Variants in SCLT1 observed in about 807,000 individuals in gnomAD.
SCLT1 encodes the protein sodium channel-associated protein 1.
SCLT1 carries 78 observed loss-of-function variants against 112.8 expected under a neutral mutation model. The ratio of observed to expected loss-of-function variants is 0.69; its 90% CI spans 0.58 to 0.83. SCLT1 has a LOEUF of 0.83. Ranked by LOEUF, SCLT1 falls within the 40% of genes least tolerant of loss-of-function variation. The probability of loss-of-function intolerance (pLI) is 0.00; values close to 1 mark genes in which losing one functional copy is unlikely to be tolerated. For missense variants in SCLT1, 747 were observed against 770.4 expected (o/e 0.97, Z 0.36); for synonymous variants, 257 against 254.7 (o/e 1.01, Z -0.09).
chr4:129,005,470 C>T (rs1380717934), intron 5 of SCLT1, among the ~76,000 whole-genome samples: 1 of 152,114 alleles, frequency 6.6e-6, no homozygotes, highest in East Asian at 1.9e-4. Flanking sequence ...AATGAGATAT[C>T]ATCTCACACC....
At chr4:128,883,414 A>T (rs971857389), downstream of SCLT1, among the ~76,000 whole-genome samples, 3 of 152,004 alleles carry the variant, frequency 2.0e-5, no homozygotes, top group African/African-American at 7.2e-5. Context: ...CGAGGGGTGA[A>T]AGGGTAGGGG....
intron 18 of SCLT1, among the ~76,000 whole-genome samples, chr4:128,895,492 A>C (rs1733669164): frequency 6.6e-6 from 1 of 152,098 alleles, no homozygotes; most frequent in Admixed American, 6.5e-5. Context: ...TATTTTTTAG[A>C]TTGTGTTTTT....
chr4:128,891,501 A>G (rs909539763), intron 18 of SCLT1, among the ~76,000 whole-genome samples: 1 of 152,234 alleles, frequency 6.6e-6, no homozygotes, highest in African/African-American at 2.4e-5. Flanking sequence ...ATAAAAATAC[A>G]TATTTTAAAA....
In SCLT1 at chr4:129,053,557, ATTTT is replaced by A. The variant is rs528905688; in HGVS notation, c.103-9510_103-9507del. 5.5e-3 allele frequency among the ~76,000 whole-genome samples: 247 copies of A among 45,218 alleles called. 1 individual carries two copies. Among genetic ancestry groups the A allele is most frequent in the African/African-American group, 0.021 (231 of 10,998 alleles). 29.7% of individuals were successfully genotyped at this position (45,218 alleles called of 152,430 possible). ...TTAGAGACTAGGATTGCAATCCCTG[ATTTT>A]TTTTTTTTTTTTTTTTTTTTTTTTT... On this transcript the variant is annotated intron_variant, in intron 2 of 20. Transcript: ENST00000281142.
chr4:128,924,425 T>C (rs1736134746), intron 18 of SCLT1, among the ~76,000 whole-genome samples: 1 of 151,892 alleles, frequency 6.6e-6, no homozygotes, highest in Non-Finnish European at 1.5e-5. Context: ...TGGGCCACTA[T>C]ACCTGGCTAA....
At chr4:128,881,737 T>TAAG (rs1732644409), downstream of SCLT1, among the ~76,000 whole-genome samples, 1 of 152,338 alleles carries the variant, frequency 6.6e-6, no homozygotes, top group South Asian at 2.1e-4. Flanking sequence ...GTATCATTTA[T>TAAG]AAGTGAAGAC....
chr4:128,969,738 T>C (rs778166277), intron 10 of SCLT1, among the ~76,000 whole-genome samples: 14 of 152,188 alleles, frequency 9.2e-5, no homozygotes, highest in Admixed American at 2.0e-4. Flanking sequence ...CTTATTTCTT[T>C]TACTTCTTTC....
At chr4:129,018,727 TAA>T (rs370562625) in intron 5 of SCLT1, among the ~76,000 whole-genome samples, 48 of 152,290 alleles carry the variant, frequency 3.2e-4, no homozygotes, top group East Asian at 2.9e-3. Context: ...ACATTTATAT[TAA>T]GTCAAAGTCA....
chr4:129,023,584 G>A (rs554514311), intron 5 of SCLT1, among the ~76,000 whole-genome samples: 29 of 152,310 alleles, frequency 1.9e-4, no homozygotes, highest in East Asian at 1.4e-3. Context: ...GGAACAGCTC[G>A]GGTCTACAGC....
At position 129,081,406 on chromosome 4, in the gene SCLT1, G is replaced by A. The variant is rs182779059; in HGVS notation, c.102+900C>T. Among the ~76,000 whole-genome samples the A allele has an allele frequency of 1.6e-4, 25 of 152,276 alleles. No individual in the cohort carries two copies. The East Asian group carries it at 1.7e-3, about 11-fold the overall frequency. On this transcript the variant is annotated intron_variant, in intron 2 of 20. Coordinates refer to ENST00000281142, the MANE Select transcript of SCLT1 (RefSeq NM_144643.4). ...GTCTCTTTGTAACTCCTTTGTCTCC[G>A]CTGGACTCGGGGTACCTGCCAGGTG...
chr4:129,020,564 T>A (rs535875718), intron 5 of SCLT1, among the ~76,000 whole-genome samples: 1 of 152,352 alleles, frequency 6.6e-6, no homozygotes, highest in South Asian at 2.1e-4. Flanking sequence ...ATCAGTCTTT[T>A]GGCTGGAAAA....
chr4:128,992,943 A>C lies in SCLT1; in HGVS notation c.616-706T>G, dbSNP rs141694801. On this transcript the variant is annotated intron_variant, in intron 8 of 20. Transcript: ENST00000281142. ...TTATCCATGATGATACAAATTCCTTATCCCTTTTCTTTATATATTATGGTT... is the reference window on the plus strand; with the variant it reads ...TTATCCATGATGATACAAATTCCTTCTCCCTTTTCTTTATATATTATGGTT... Among the ~76,000 whole-genome samples, 875 of 152,056 alleles carry C rather than the reference A, an allele frequency of 5.8e-3. 7 individuals carry two copies. The highest frequency in any genetic ancestry group is 0.034 in the Middle Eastern group (10 of 294).
chr4:128,998,019 G>A, intron 7 of SCLT1, 80 bp from the exon 8 acceptor site: 1 of 600,722 alleles, frequency 1.7e-6, no homozygotes, highest in Non-Finnish European at 2.7e-6. Context: ...CTAAAATCAA[G>A]TCTAAAATCA....
At chr4:129,086,017 T>A (rs1004494308) in intron 1 of SCLT1, among the ~76,000 whole-genome samples, 23 of 151,756 alleles carry the variant, frequency 1.5e-4, no homozygotes, top group South Asian at 4.2e-4. Context: ...AGATAAATTT[T>A]AAAAAAAGAA....
At position 129,068,722 on chromosome 4, in the gene SCLT1, T is replaced by C. The variant is rs1234614659; in HGVS notation, c.102+13584A>G. Among the ~76,000 whole-genome samples the C allele has an allele frequency of 4.6e-5, 7 of 152,238 alleles. No homozygotes were observed. In the East Asian group the frequency reaches 1.2e-3, roughly 25 times the overall value. The stretch of plus-strand genomic sequence containing the variant: ...TGAAGATTTTCTCCCACTCTGTGGA[T>C]TGTCTGTTTACTCTGCTGACTGTTC... On this transcript the variant is annotated intron_variant, in intron 2 of 20. Transcript: ENST00000281142.
rs376636495 is a variant in SCLT1, at chr4:128,935,171, A to AT, written c.1829+1483dup. Among the ~76,000 whole-genome samples, 968 of 151,152 alleles carry AT rather than the reference A, an allele frequency of 6.4e-3. 4 individuals carry two copies. Among genetic ancestry groups the AT allele is most frequent in the African/African-American group, 0.022 (898 of 41,330 alleles). On this transcript the variant is annotated intron_variant, in intron 18 of 20. Transcript: ENST00000281142. ...CTGACATTGAGCCTAACTGGTAATGATTTTTTTTTGTTGTTAGTTCTTTAG... is the reference window on the plus strand; with the variant it reads ...CTGACATTGAGCCTAACTGGTAATGATTTTTTTTTTGTTGTTAGTTCTTTAG...
At chr4:128,985,713 G>A (rs1356679366) in intron 9 of SCLT1, among the ~76,000 whole-genome samples, 1 of 152,024 alleles carries the variant, frequency 6.6e-6, no homozygotes, top group African/African-American at 2.4e-5. Flanking sequence ...TTTTTGGCTT[G>A]TATTTAAATC....
At chr4:129,016,259 C>A (rs1183152971) in intron 5 of SCLT1, among the ~76,000 whole-genome samples, 1 of 152,120 alleles carries the variant, frequency 6.6e-6, no homozygotes, top group Non-Finnish European at 1.5e-5. Flanking sequence ...TTTGCTGCAC[C>A]TATCAACTAT....
Position 129,082,320 on chromosome 4 carries a change from A to G in SCLT1, c.88T>C (p.Tyr30His). The G allele has an allele frequency of 6.4e-7, 1 of 1,564,894 alleles. No homozygotes were observed. The highest frequency in any genetic ancestry group is 8.8e-7 in the Non-Finnish European group (1 of 1,140,376). ...AATTTACATACCTGTACAGATGAAT[A>G]TTTGGAAAAACTTTCCATTTGATAC... ...RRYQMESFSK[Y>H]SSVQKAVCQG... Residue 30 changes from tyrosine to histidine, a missense_variant, in exon 2 of 21, where the codon TAT becomes CAT. Tyr to His is a moderately conservative substitution (Grantham distance 83, BLOSUM62 2). Coordinates refer to ENST00000281142, the MANE Select transcript of SCLT1 (RefSeq NM_144643.4).
Sources: allele counts gnomAD v4.1 joint callset (sites outside exome capture counted in the v4.1 genomes callset), GRCh38; gene constraint gnomAD v4.1.1; transcripts MANE v1.5; gene names NCBI Gene and HGNC (gene_info 2026-07-23, HGNC 2026-07-21).